AGFG1: variants seen among roughly 807,000 people sequenced by gnomAD.
The protein encoded by AGFG1 is ArfGAP with FG repeats 1, also known as arf-GAP domain and FG repeat-containing protein 1.
In AGFG1, 10 loss-of-function variants were observed where a neutral mutation model predicts 60.6. The observed-to-expected ratio is 0.16, with a 90% CI of 0.10 to 0.28. AGFG1 has a LOEUF of 0.28. Among genes scored for constraint, AGFG1 ranks in the 10% least tolerant of loss-of-function variants. The pLI, the probability that AGFG1 is intolerant of heterozygous loss-of-function variation, is 1.00. For missense variants in AGFG1, 537 were observed against 676.5 expected (o/e 0.79, Z 2.29); for synonymous variants, 247 against 242.9 (o/e 1.02, Z -0.16).
intron 2 of AGFG1, among the ~76,000 whole-genome samples, chr2:227,495,644 A>C (rs1690949973): frequency 6.6e-6 from 1 of 152,110 alleles, no homozygotes; most frequent in Non-Finnish European, 1.5e-5. Context: ...AGTTGGATTA[A>C]CTTCTGATTA....
At chr2:227,483,047 G>A (rs923081341) in intron 1 of AGFG1, among the ~76,000 whole-genome samples, 1 of 149,270 alleles carries the variant, frequency 6.7e-6, no homozygotes, top group African/African-American at 2.5e-5. Context: ...GGAATGGGTG[G>A]TACTTCAGTA....
In AGFG1 at chr2:227,484,680, T is replaced by TTTTTTTTG. The variant is rs1559167208; in HGVS notation, c.168-6859_168-6852dup. Among the ~76,000 whole-genome samples, 77 of 9,190 alleles carry TTTTTTTTG rather than the reference T, an allele frequency of 8.4e-3. 2 individuals are homozygous for TTTTTTTTG. The highest frequency in any genetic ancestry group is 0.022 in the African/African-American group (68 of 3,090). The allele number at this position is 9,190 out of a possible 152,430, so 6.0% of individuals were successfully genotyped here. On this transcript the variant is annotated intron_variant, in intron 1 of 12. Transcript: ENST00000310078. ...CTTCTTTAATGAAGATCTCTTAGTT[T>TTTTTTTTG]TTTTTTTGTTTTTTTTTTTTTTTTT...
rs527569318 is a variant in AGFG1, at chr2:227,522,428, C to T, written c.378-1335C>T. On this transcript the variant is annotated intron_variant, in intron 3 of 12. Transcript: ENST00000310078. ...ATTCATTCTCATACATCTTTTATCT[C>T]TCCCATTTACTTGAAAGCAGTTGTT... Among the ~76,000 whole-genome samples the T allele has an allele frequency of 2.0e-5, 3 of 152,244 alleles. No homozygotes were observed. The South Asian group carries it at 6.2e-4, about 32-fold the overall frequency.
At chr2:227,530,337 C>G (rs1356773048) in intron 5 of AGFG1, among the ~76,000 whole-genome samples, 1 of 152,106 alleles carries the variant, frequency 6.6e-6, no homozygotes, top group Non-Finnish European at 1.5e-5. Flanking sequence ...TTCTGCAGCA[C>G]TTATAATCGA....
intron 1 of AGFG1, among the ~76,000 whole-genome samples, chr2:227,484,189 T>C (rs1262652612): frequency 6.6e-6 from 1 of 152,056 alleles, no homozygotes; most frequent in African/African-American, 2.4e-5. Context: ...TTCATTTAAG[T>C]GGTGTTTCTT....
chr2:227,533,930 A>C (rs750601261), intron 7 of AGFG1, among the ~76,000 whole-genome samples, 172 bp downstream of exon 7: 5 of 152,188 alleles, frequency 3.3e-5, no homozygotes, highest in Admixed American at 2.0e-4. Flanking sequence ...GACCTGAAAT[A>C]TCAACTACAA....
At chr2:227,536,509 T>C (rs1692318098) in intron 8 of AGFG1, 116 bp from the exon 9 acceptor site, 2 of 732,828 alleles carry the variant, frequency 2.7e-6, no homozygotes, top group African/African-American at 3.5e-5. Context: ...ATTTTCTTTG[T>C]GTTGATACTG....
chr2:227,551,816 T>A, intron 10 of AGFG1, 143 bp from the exon 11 acceptor site: 1 of 966,098 alleles, frequency 1.0e-6, no homozygotes, highest in Non-Finnish European at 1.5e-6. Flanking sequence ...TCATTAACTT[T>A]GTTGGAATTT....
rs1692936649 is a variant in AGFG1, at chr2:227,555,188, T to C, written c.*693T>C. The stretch of plus-strand genomic sequence containing the variant: ...AGTGGCCTTAAATATGAGTAGTGAA[T>C]TGAGAACATCTTGAATTCTTAAAAG... On this transcript the variant is annotated 3_prime_UTR_variant, in exon 13 of 13. Transcript: ENST00000310078. The C allele has an allele frequency of 6.6e-6, 1 of 152,620 alleles. No homozygotes were observed. Among genetic ancestry groups the C allele is most frequent in the South Asian group, 2.1e-4 (1 of 4,832 alleles). 9.5% of individuals were successfully genotyped at this position (152,620 alleles called of 1,614,324 possible).
chr2:227,537,020 A>G, intron 10 of AGFG1, 27 bp downstream of exon 10: 1 of 1,586,524 alleles, frequency 6.3e-7, no homozygotes, highest in Non-Finnish European at 8.6e-7. Context: ...GTGGAACAGT[A>G]AGTTTTGGGG....
At chr2:227,552,157 G>T (rs759001708) in intron 11 of AGFG1, 40 bp downstream of exon 11, 2 of 1,610,624 alleles carry the variant, frequency 1.2e-6, no homozygotes, top group East Asian at 4.5e-5. Context: ...TTCATTTTAT[G>T]TATCCTTTTT....
intron 5 of AGFG1, among the ~76,000 whole-genome samples, chr2:227,526,438 A>G (rs936707839): frequency 1.4e-5 from 2 of 139,236 alleles, no homozygotes; most frequent in Non-Finnish European, 1.6e-5. Context: ...GGGTTTCACC[A>G]TGTTGGCCAG....
intron 2 of AGFG1, among the ~76,000 whole-genome samples, chr2:227,494,753 C>G (rs570149637): frequency 1.3e-5 from 2 of 152,288 alleles, no homozygotes; most frequent in African/African-American, 4.8e-5. Context: ...TTAATTCTGT[C>G]TTAATACTTG....
intron 1 of AGFG1, among the ~76,000 whole-genome samples, chr2:227,473,502 A>G (rs1418275339): frequency 2.6e-5 from 4 of 152,144 alleles, no homozygotes; most frequent in Admixed American, 6.6e-5. Flanking sequence ...GAAAGACACT[A>G]CCGTCCTGAG....
At chr2:227,479,784 A>G (rs1473630755) in intron 1 of AGFG1, among the ~76,000 whole-genome samples, 4 of 152,266 alleles carry the variant, frequency 2.6e-5, no homozygotes, top group Admixed American at 6.5e-5. Context: ...GAGTACTTAC[A>G]TTAATAGCAT....
Position 227,556,458 on chromosome 2 carries a change from T to C in AGFG1, c.*1963T>C, listed in dbSNP as rs912529104. 4 of 152,660 alleles carry C rather than the reference T, an allele frequency of 2.6e-5. No individual in the cohort carries two copies. The highest frequency in any genetic ancestry group is 2.6e-4 in the Admixed American group (4 of 15,286). The allele number at this position is 152,660 out of a possible 1,614,324, so 9.5% of individuals were successfully genotyped here. A position where few individuals can be genotyped will look rare whatever the true frequency, so the allele number is the denominator to read the frequency against. ...AATGCTGCACAGGTCCAGATGTGTGTTGATGTAGACTTGAAATGTCTCCAC... is the reference window on the plus strand; with the variant it reads ...AATGCTGCACAGGTCCAGATGTGTGCTGATGTAGACTTGAAATGTCTCCAC... On this transcript the variant is annotated 3_prime_UTR_variant, in exon 13 of 13. Transcript: ENST00000310078.
Position 227,560,595 on chromosome 2 carries a change from GTT to G in AGFG1, c.*6103_*6104del, listed in dbSNP as rs1693109370. 1 of 152,086 alleles carries G rather than the reference GTT, an allele frequency of 6.6e-6. No individual in the cohort carries two copies. Among genetic ancestry groups the G allele is most frequent in the South Asian group, 2.1e-4 (1 of 4,836 alleles). 9.4% of individuals were successfully genotyped at this position (152,086 alleles called of 1,614,324 possible). On this transcript the variant is annotated 3_prime_UTR_variant, in exon 13 of 13. Coordinates refer to ENST00000310078, the MANE Select transcript of AGFG1 (RefSeq NM_004504.5). ...AGTGCATGGCTTGGGGCTATACTTT[GTT>G]TTGCAGTTTGTTGGTATCGTGCCTT...
chr2:227,530,776 C>G (rs1403261050), intron 5 of AGFG1, among the ~76,000 whole-genome samples: 1 of 152,120 alleles, frequency 6.6e-6, no homozygotes, highest in Non-Finnish European at 1.5e-5. Context: ...AGTACTGTAA[C>G]TCAGTACTCT....
intron 2 of AGFG1, among the ~76,000 whole-genome samples, chr2:227,516,495 T>C (rs1691656176): frequency 6.6e-6 from 1 of 152,196 alleles, no homozygotes; most frequent in Non-Finnish European, 1.5e-5. Flanking sequence ...ACTTTGACAG[T>C]GAGACAGTTT....
Sources: allele counts gnomAD v4.1 joint callset (sites outside exome capture counted in the v4.1 genomes callset), GRCh38; gene constraint gnomAD v4.1.1; transcripts MANE v1.5; gene names NCBI Gene and HGNC (gene_info 2026-07-23, HGNC 2026-07-21).